The following ACSL1 variants were observed in gnomAD, a reference collection of about 807,000 sequenced individuals.
ACSL1 encodes acyl-CoA synthetase long chain family member 1, also known as long-chain-fatty-acid--CoA ligase 1.
Under a neutral mutation model 98.4 loss-of-function variants are expected in ACSL1, and 41 were observed. That is an observed-to-expected ratio of 0.42 (90% CI 0.32 to 0.54). The LOEUF (loss-of-function observed/expected upper bound fraction) is 0.54. Ranked by LOEUF, ACSL1 falls within the 20% of genes least tolerant of loss-of-function variation. ACSL1 has a pLI of 0.13. For synonymous variants in ACSL1, 316 were observed against 322.7 expected (o/e 0.98, Z 0.22); for missense variants, 734 against 883.1 (o/e 0.83, Z 2.14).
At chr4:184,806,948 A>G (rs1771503746) in intron 1 of ACSL1, among the ~76,000 whole-genome samples, 1 of 152,256 alleles carries the variant, frequency 6.6e-6, no homozygotes, top group African/African-American at 2.4e-5. Context: ...ACAATAGCTC[A>G]TTTAGATATG....
At chr4:184,786,441 C>T (rs1414476911) in intron 3 of ACSL1, among the ~76,000 whole-genome samples, 1 of 147,258 alleles carries the variant, frequency 6.8e-6, no homozygotes, top group East Asian at 1.9e-4. Context: ...CACACACACA[C>T]ACACACACAC....
chr4:184,769,474 C>T lies in ACSL1; in HGVS notation c.993+925G>A, dbSNP rs182770329. On this transcript the variant is annotated intron_variant, in intron 11 of 20. Coordinates refer to ENST00000281455, the MANE Select transcript of ACSL1 (RefSeq NM_001995.5). ...ACCATGGTTCACTGTTTAACAATTACAGCTCAGAAAGCTTTTGTTCAGCGT... is the reference window on the plus strand; with the variant it reads ...ACCATGGTTCACTGTTTAACAATTATAGCTCAGAAAGCTTTTGTTCAGCGT... 6.2e-3 allele frequency among the ~76,000 whole-genome samples: 952 copies of T among 152,350 alleles called. 2 individuals carry two copies. Among genetic ancestry groups the T allele is most frequent in the Non-Finnish European group, 0.011 (724 of 68,034 alleles).
chr4:184,783,812 T>C (rs1216917617), intron 4 of ACSL1, 115 bp downstream of exon 4: 12 of 959,186 alleles, frequency 1.3e-5, no homozygotes, highest in African/African-American at 3.3e-5. Flanking sequence ...ACGGCAAGGC[T>C]CTGAGCTGGT....
intron 5 of ACSL1, among the ~76,000 whole-genome samples, chr4:184,777,942 G>T (rs1765570668): frequency 6.6e-6 from 1 of 152,242 alleles, no homozygotes; most frequent in Non-Finnish European, 1.5e-5. Context: ...AACAGCGGCT[G>T]TGGGGCTCAA....
At position 184,760,346 on chromosome 4, in the gene ACSL1, A is replaced by G. The variant is rs1220033481; in HGVS notation, c.1782+11T>C. ...GTATGCAGCAAGATTCAAGACCCAG[A>G]AAGCACATACCTGCAGGCTTTCTCC... On this transcript the variant is annotated intron_variant, in intron 18 of 20. Transcript: ENST00000281455. 4 of 1,613,838 alleles carry G rather than the reference A, an allele frequency of 2.5e-6. No individual in the cohort carries two copies. The highest frequency in any genetic ancestry group is 3.4e-6 in the Non-Finnish European group (4 of 1,179,816).
At chr4:184,820,724 C>G (rs910598267) in intron 1 of ACSL1, among the ~76,000 whole-genome samples, 1 of 152,186 alleles carries the variant, frequency 6.6e-6, no homozygotes, top group Admixed American at 6.5e-5. Context: ...CCTGCCTCAA[C>G]CTCCCGAGCA....
In ACSL1 at chr4:184,825,543, G is replaced by C. The variant is rs113426789; in HGVS notation, c.-33+373C>G. Among the ~76,000 whole-genome samples the C allele has an allele frequency of 4.6e-5, 7 of 151,630 alleles. No homozygotes were observed. The highest frequency in any genetic ancestry group is 2.9e-5 in the Non-Finnish European group (2 of 67,862). ...AGGGCAACGTCAGCGGCCCAGCTGG[G>C]CCACCTCCTCCCAGCCGAAGCGCGG... is the stretch of plus-strand genomic sequence containing the variant. On this transcript the variant is annotated intron_variant, in intron 1 of 20. Transcript: ENST00000281455. The surrounding 1 kb of genome is among the most constrained non-coding windows in gnomAD (Gnocchi z 4.7).
Position 184,765,966 on chromosome 4 carries a change from G to C in ACSL1, c.1284C>G (p.Val428=). ...GGGCGGCTCCTGTCACCATCAGCCG[G>C]ACTCTTCCGCCCAGGCTCGACTTTC... ...HKVQSSLGGR[V]RLMVTGAAPV... Residue 428 remains valine (V), a synonymous_variant, in exon 14 of 21, where the codon GTC becomes GTG. Transcript: ENST00000281455. 6.2e-7 allele frequency: 1 copy of C among 1,613,852 alleles called. No homozygotes were observed. The highest frequency in any genetic ancestry group is 8.5e-7 in the Non-Finnish European group (1 of 1,179,890).
In ACSL1 at chr4:184,757,719, G is replaced by A; in HGVS notation, c.1885-13C>T. The stretch of plus-strand genomic sequence containing the variant: ...CTTTTTTGACATCCTAAAAGGGTAA[G>A]AAAAATAAATTACTTCCTCTGTTAG... On this transcript the variant is annotated splice_polypyrimidine_tract_variant and intron_variant, in intron 19 of 20. Coordinates refer to ENST00000281455, the MANE Select transcript of ACSL1 (RefSeq NM_001995.5). The surrounding 1 kb of genome is among the most constrained non-coding windows in gnomAD (Gnocchi z 4.5). 2 of 1,613,276 alleles carry A rather than the reference G, an allele frequency of 1.2e-6. No individual in the cohort carries two copies. The highest frequency in any genetic ancestry group is 1.6e-4 in the Middle Eastern group (1 of 6,062).
intron 14 of ACSL1, among the ~76,000 whole-genome samples, chr4:184,765,132 T>C (rs1763398502): frequency 6.6e-6 from 1 of 152,170 alleles, no homozygotes; most frequent in African/African-American, 2.4e-5. Context: ...TCTATTTAAC[T>C]TCCAGTGGCC....
chr4:184,777,024 C>A, intron 5 of ACSL1, 41 bp from the exon 6 acceptor site: 1 of 1,542,986 alleles, frequency 6.5e-7, no homozygotes, highest in South Asian at 1.1e-5. Flanking sequence ...AACAGGATGT[C>A]ATCATGTAAT....
chr4:184,797,784 G>T (rs1769703436), intron 2 of ACSL1, among the ~76,000 whole-genome samples: 1 of 152,100 alleles, frequency 6.6e-6, no homozygotes, highest in African/African-American at 2.4e-5. Flanking sequence ...TGCTGGCCTG[G>T]AGCTCCCTGA....
At chr4:184,813,568 T>C (rs1296504151) in intron 1 of ACSL1, 3 of 237,318 alleles carry the variant, frequency 1.3e-5, no homozygotes, top group African/African-American at 6.7e-5. Context: ...CGGAATTGTG[T>C]CTCTATGACC....
chr4:184,797,428 A>G (rs1262087880), intron 2 of ACSL1, among the ~76,000 whole-genome samples: 1 of 152,220 alleles, frequency 6.6e-6, no homozygotes, highest in Admixed American at 6.5e-5. Context: ...GGGAAATCCT[A>G]CTTGGTAATA....
chr4:184,821,950 A>C (rs972489078), intron 1 of ACSL1, among the ~76,000 whole-genome samples: 1 of 152,208 alleles, frequency 6.6e-6, no homozygotes, highest in Admixed American at 6.5e-5. Flanking sequence ...GAAGAGCTTC[A>C]TTTTTCCTAT....
chr4:184,776,419 G>A (rs924700951), intron 7 of ACSL1, 65 bp downstream of exon 7: 10 of 1,547,774 alleles, frequency 6.5e-6, no homozygotes, highest in African/African-American at 2.7e-5. Flanking sequence ...GCACTGGATA[G>A]CACGTGTGAG....
intron 1 of ACSL1, among the ~76,000 whole-genome samples, chr4:184,819,910 G>A (rs1772927545): frequency 1.3e-5 from 2 of 152,288 alleles, no homozygotes; most frequent in Non-Finnish European, 2.9e-5. Flanking sequence ...ATACTGAGAA[G>A]GCAAGGAGGA....
At position 184,755,748 on chromosome 4, in the gene ACSL1, A is replaced by G. The variant is rs1386810667; in HGVS notation, c.*1377T>C. The G allele has an allele frequency of 6.5e-6, 1 of 152,694 alleles. No homozygotes were observed. The highest frequency in any genetic ancestry group is 1.5e-5 in the Non-Finnish European group (1 of 68,060). 9.5% of individuals were successfully genotyped at this position (152,694 alleles called of 1,614,324 possible). ...TGACTTTTTGTGCAATTAAGAATACATATATGAAGTTAGGCTACCAAGTAG... is the reference window on the plus strand; with the variant it reads ...TGACTTTTTGTGCAATTAAGAATACGTATATGAAGTTAGGCTACCAAGTAG... On this transcript the variant is annotated 3_prime_UTR_variant, in exon 21 of 21. Coordinates refer to ENST00000281455, the MANE Select transcript of ACSL1 (RefSeq NM_001995.5).
chr4:184,811,919 A>C (rs957559697), intron 1 of ACSL1, among the ~76,000 whole-genome samples: 9 of 152,172 alleles, frequency 5.9e-5, no homozygotes, highest in African/African-American at 1.9e-4. Context: ...CTGAGAATGA[A>C]TGGCAAAACA....
Sources: gnomAD v4.1 joint callset for allele counts (sites outside exome capture counted in the v4.1 genomes callset) on GRCh38, gnomAD v4.1.1 for gene constraint, Gnocchi (gnomAD v3.1) non-coding constraint, MANE v1.5 for transcripts, NCBI Gene and HGNC (gene_info 2026-07-23, HGNC 2026-07-21) for gene names.